Variants in CDKN2A observed in about 807,000 individuals in gnomAD.
CDKN2A encodes cyclin-dependent kinase inhibitor 2A.
Under a neutral mutation model 11.1 loss-of-function variants are expected in CDKN2A, and 3 were observed. The ratio of observed to expected loss-of-function variants is 0.27; its 90% CI spans 0.12 to 0.70. CDKN2A has a LOEUF of 0.70. Among genes scored for constraint, CDKN2A ranks in the 30% least tolerant of loss-of-function variants. The probability of loss-of-function intolerance (pLI) is 0.77; values close to 1 mark genes in which losing one functional copy is unlikely to be tolerated. For missense variants in CDKN2A, 265 were observed against 233.6 expected, an observed-to-expected ratio of 1.13 and a Z score of -0.88; for synonymous variants, 122 against 108.1, an observed-to-expected ratio of 1.13 and a Z score of -0.80.
chr9:21,983,953 G>A lies in CDKN2A; in HGVS notation c.-4+9929C>T, dbSNP rs184888611. ...AGCCTTTATTTCCTCACCTCACAAA[G>A]TGGGGAAAATAAAATTTACCCCATA... On this transcript the variant is annotated intron_variant, in intron 2 of 3. Transcript: ENST00000494262. Among the ~76,000 whole-genome samples, 157 of 152,036 alleles carry A rather than the reference G, an allele frequency of 1.0e-3. 3 individuals are homozygous for A. The highest frequency in any genetic ancestry group is 3.2e-4 in the Non-Finnish European group (22 of 67,870).
intron 1 of CDKN2A, among the ~76,000 whole-genome samples, chr9:21,972,323 G>A (rs1231649911): frequency 6.6e-6 from 1 of 152,178 alleles, no homozygotes; most frequent in East Asian, 1.9e-4. Context: ...CTTTGCAGAT[G>A]TGATTTAATT....
chr9:21,992,438 GA>G, intron 2 of CDKN2A: 1 of 983,786 alleles, frequency 1.0e-6, no homozygotes, highest in African/African-American at 1.7e-5. Flanking sequence ...GAAACTTCCT[GA>G]AGATTGCGCT....
At chr9:21,982,918 C>T (rs1820226766) in intron 2 of CDKN2A, among the ~76,000 whole-genome samples, 1 of 151,666 alleles carries the variant, frequency 6.6e-6, no homozygotes, top group Non-Finnish European at 1.5e-5. Context: ...AAGAAAAGTT[C>T]AAACTTAAGG....
intron 2 of CDKN2A, among the ~76,000 whole-genome samples, chr9:21,984,618 A>C (rs1204990798): frequency 6.6e-6 from 1 of 151,998 alleles, no homozygotes; most frequent in Non-Finnish European, 1.5e-5. Context: ...TTCTGAGATA[A>C]TGTTGAAAGT....
At chr9:21,975,167 G>A (rs1819988028), upstream of CDKN2A, 1 of 1,165,128 alleles carries the variant, frequency 8.6e-7, no homozygotes, top group South Asian at 3.3e-5. Context: ...GGAGGACTGG[G>A]CTCCTCCCCA....
At chr9:21,993,154 C>T (rs1251816125) in intron 2 of CDKN2A, among the ~76,000 whole-genome samples, 1 of 152,146 alleles carries the variant, frequency 6.6e-6, no homozygotes, top group East Asian at 1.9e-4. Flanking sequence ...ATATTCCTGG[C>T]GAAGCATACC....
chr9:21,972,258 T>C (rs1239728185), intron 1 of CDKN2A, among the ~76,000 whole-genome samples: 4 of 152,172 alleles, frequency 2.6e-5, no homozygotes, highest in Non-Finnish European at 5.9e-5. Flanking sequence ...ACCCCCAATG[T>C]CTATGTCCTA....
At chr9:21,977,100 G>A (rs2131119536), upstream of CDKN2A, among the ~76,000 whole-genome samples, 2 of 152,274 alleles carry the variant, frequency 1.3e-5, no homozygotes, top group Middle Eastern at 6.8e-3. Context: ...TTAAAATGAA[G>A]CCAATGAAAA....
At chr9:21,978,168 AATG>A (rs909054777), upstream of CDKN2A, among the ~76,000 whole-genome samples, 74 of 151,748 alleles carry the variant, frequency 4.9e-4, no homozygotes, top group African/African-American at 1.8e-3. Context: ...CCTAATGCTA[AATG>A]ATGAGTTGAT....
intron 1 of CDKN2A, among the ~76,000 whole-genome samples, chr9:21,973,126 G>C (rs1587336350): frequency 6.6e-6 from 1 of 151,926 alleles, no homozygotes; most frequent in Admixed American, 6.6e-5. Context: ...CCTTCGTCTT[G>C]GTCATAAAAC....
intron 2 of CDKN2A, among the ~76,000 whole-genome samples, chr9:21,980,580 G>T (rs555510532): frequency 3.3e-5 from 5 of 152,246 alleles, no homozygotes; most frequent in African/African-American, 1.2e-4. Flanking sequence ...CCTAATATAT[G>T]TCAGGCACTC....
In CDKN2A at chr9:21,974,704, TC is replaced by T. The variant is rs2131112328; in HGVS notation, c.123del (p.Asn42IlefsTer11). On this transcript the variant is annotated frameshift_variant, in exon 1 of 3. Coordinates refer to ENST00000304494, the MANE Select transcript of CDKN2A (RefSeq NM_000077.5). LOFTEE classifies it high-confidence loss of function. This position sits in a 1 kb window ranked among gnomAD's most constrained non-coding sequence, Gnocchi z 5.2. ...LLEAGALPNAPNSYGRRPIQV... is the reference protein window; with the variant it reads ...LLEAGALPNAXNSYGRRPIQV... Reference sequence around the variant, plus strand: ...TGGATCGGCCTCCGACCGTAACTATTCGGTGCGTTGGGCAGCGCCCCCGCCT... The same window carrying T: ...TGGATCGGCCTCCGACCGTAACTATTGGTGCGTTGGGCAGCGCCCCCGCCT... 6.2e-7 allele frequency: 1 copy of T among 1,613,432 alleles called. No homozygotes were observed. Among genetic ancestry groups the T allele is most frequent in the Non-Finnish European group, 8.5e-7 (1 of 1,179,924 alleles).
chr9:21,976,118 C>T (rs867419257), upstream of CDKN2A, among the ~76,000 whole-genome samples: 5 of 152,088 alleles, frequency 3.3e-5, no homozygotes, highest in Admixed American at 1.3e-4. Flanking sequence ...GTGGCTCACA[C>T]CTGTAATCCC....
rs139807099 is a variant in CDKN2A, at chr9:21,974,644, C to T, written c.150+34G>A. 3.1e-6 allele frequency: 5 copies of T among 1,614,106 alleles called. No individual in the cohort carries two copies. Among genetic ancestry groups the T allele is most frequent in the East Asian group, 4.5e-5 (2 of 44,898 alleles). ...AACTTCGTCCTCCAGAGTCGCCCGC[C>T]ATCCCCTGCTCCCGCTGCAGACCCT... On this transcript the variant is annotated intron_variant, in intron 1 of 2. Transcript: ENST00000304494. This position sits in a 1 kb window ranked among gnomAD's most constrained non-coding sequence, Gnocchi z 5.2.
intron 2 of CDKN2A, among the ~76,000 whole-genome samples, chr9:21,993,564 G>A (rs1820490205): frequency 1.3e-5 from 2 of 152,148 alleles, no homozygotes; most frequent in African/African-American, 2.4e-5. Flanking sequence ...ACTCCCCCAA[G>A]AAGCAAGTGC....
chr9:21,977,034 T>C (rs373427823), upstream of CDKN2A, among the ~76,000 whole-genome samples: 6 of 152,260 alleles, frequency 3.9e-5, no homozygotes, highest in East Asian at 1.2e-3. Flanking sequence ...TTAAACCTTG[T>C]AGACCCAGTA....
Position 21,974,356 on chromosome 9 carries a change from C to CT in CDKN2A, c.150+321dup. 2 of 1,490,818 alleles carry CT rather than the reference C, an allele frequency of 1.3e-6. No individual in the cohort carries two copies. Among genetic ancestry groups the CT allele is most frequent in the Non-Finnish European group, 1.8e-6 (2 of 1,111,254 alleles). The allele number at this position is 1,490,818 out of a possible 1,614,324, so 92.3% of individuals were successfully genotyped here. ...ACATCTTACATTTCTTTAAGACTCC[C>CT]TTTTTATCCCAAACGTTCGTAAATT... On this transcript the variant is annotated intron_variant, in intron 1 of 2. Transcript: ENST00000304494. The surrounding 1 kb of genome is among the most constrained non-coding windows in gnomAD (Gnocchi z 5.2).
At position 21,968,488 on chromosome 9, in the gene CDKN2A, C is replaced by T. The variant is rs972917248; in HGVS notation, c.458-246G>A. 3 of 1,457,750 alleles carry T rather than the reference C, an allele frequency of 2.1e-6. No individual in the cohort carries two copies. Among genetic ancestry groups the T allele is most frequent in the East Asian group, 5.0e-5 (2 of 40,352 alleles). The allele number at this position is 1,457,750 out of a possible 1,614,324, so 90.3% of individuals were successfully genotyped here. A position where few individuals can be genotyped will look rare whatever the true frequency, so the allele number is the denominator to read the frequency against. Reference sequence around the variant, plus strand: ...GCTCAAGCGCTCCAGGTCCACCCGGCGGAGGGCAGAGAAAGCGCGACCGCG... The same window carrying T: ...GCTCAAGCGCTCCAGGTCCACCCGGTGGAGGGCAGAGAAAGCGCGACCGCG... On this transcript the variant is annotated intron_variant, in intron 2 of 2. Transcript: ENST00000304494. The surrounding 1 kb of genome is among the most constrained non-coding windows in gnomAD (Gnocchi z 4.7).
At chr9:21,971,287 C>T (rs1819735160) in intron 1 of CDKN2A, 79 bp from the exon 2 acceptor site, 2 of 1,540,574 alleles carry the variant, frequency 1.3e-6, no homozygotes, top group African/African-American at 1.4e-5. Context: ...AGCCCCCTCA[C>T]CGCCAAGCAG....
Sources: gnomAD v4.1 joint callset for allele counts (sites outside exome capture counted in the v4.1 genomes callset) on GRCh38, gnomAD v4.1.1 for gene constraint, Gnocchi (gnomAD v3.1) non-coding constraint, MANE v1.5 for transcripts, NCBI Gene and HGNC (gene_info 2026-07-23, HGNC 2026-07-21) for gene names.